MAST1: variants seen among roughly 807,000 people sequenced by gnomAD.
The protein encoded by MAST1 is microtubule associated serine/threonine kinase 1, also known as microtubule-associated serine/threonine-protein kinase 1.
A neutral mutation model predicts 124.6 loss-of-function variants in MAST1; 40 were observed. The ratio of observed to expected loss-of-function variants is 0.32; its 90% confidence interval spans 0.25 to 0.42. MAST1 has a LOEUF of 0.42. Ranked by LOEUF, MAST1 falls within the 10% of genes least tolerant of loss-of-function variation. MAST1 has a pLI of 1.00. For missense variants in MAST1, 1,558 were observed against 2,181.9 expected, an observed-to-expected ratio of 0.71 and a Z score of 5.70; for synonymous variants, 938 against 939.4, an observed-to-expected ratio of 1.00 and a Z score of 0.03.
intron 10 of MAST1, among the ~76,000 whole-genome samples, chr19:12,855,891 G>A (rs1970010848): frequency 6.6e-6 from 1 of 151,090 alleles, no homozygotes; most frequent in East Asian, 1.9e-4. Context: ...TAGTTTCTGA[G>A]AGAAATGTGA....
chr19:12,840,419 G>C (rs1453196518), intron 1 of MAST1, 27 bp from the exon 2 acceptor site: 3 of 1,533,196 alleles, frequency 2.0e-6, no homozygotes, highest in Admixed American at 1.7e-5. Flanking sequence ...GGCCCGGCCC[G>C]GCCCCCCTGC....
chr19:12,845,546 T>C (rs572288525), intron 4 of MAST1, among the ~76,000 whole-genome samples: 175 of 150,996 alleles, frequency 1.2e-3, no homozygotes, highest in Non-Finnish European at 1.9e-3. Flanking sequence ...GTCGAGCCAC[T>C]GCACTCCAGC....
In MAST1 at chr19:12,873,488, C is replaced by A; in HGVS notation, c.3428C>A (p.Ser1143Tyr). Residue 1143 changes from serine to tyrosine, a missense_variant, in exon 25 of 26, where the codon TCC becomes TAC. Coordinates refer to ENST00000251472, the MANE Select transcript of MAST1 (RefSeq NM_014975.3). The part of the protein sequence containing the change: ...PARSPTHSYR[S>Y]TPDSAYLGAS... ...CGCTCGCCCACGCACAGCTACCGCT[C>A]CACGCCTGACTCCGCCTACCTAGGT... 6.2e-7 allele frequency: 1 copy of A among 1,606,354 alleles called. No individual in the cohort carries two copies. The highest frequency in any genetic ancestry group is 1.1e-5 in the South Asian group (1 of 90,986).
In MAST1 at chr19:12,874,585, C is replaced by G; in HGVS notation, c.4428C>G (p.Gly1476=). Residue 1476 remains glycine, a synonymous_variant, in exon 26 of 26, where the codon GGC becomes GGG. Transcript: ENST00000251472. This position sits in a 1 kb window ranked among gnomAD's most constrained non-coding sequence, Gnocchi z 6.6. ...CTTCCGTGCCCGAGGCCCCCCGGGG[C>G]CGGGAGCGCTGGGTGTTGGAGGTGG... ...LAPSVPEAPR[G]RERWVLEVVE... 6.6e-7 allele frequency: 1 copy of G among 1,507,630 alleles called. No individual in the cohort carries two copies. The highest frequency in any genetic ancestry group is 1.4e-5 in the African/African-American group (1 of 71,744). The allele number at this position is 1,507,630 out of a possible 1,614,324, so 93.4% of individuals were successfully genotyped here.
chr19:12,846,858 G>A (rs1222548815), intron 4 of MAST1, among the ~76,000 whole-genome samples: 1 of 75,662 alleles, frequency 1.3e-5, no homozygotes, highest in African/African-American at 5.9e-5. Flanking sequence ...CAACAAGAAC[G>A]AAACTCCATC....
At chr19:12,840,621 A>T in intron 2 of MAST1, 87 bp downstream of exon 2, 1 of 990,862 alleles carries the variant, frequency 1.0e-6, no homozygotes, top group East Asian at 2.6e-5. Flanking sequence ...ATGCTACAGA[A>T]GGGGCGCAGT....
intron 12 of MAST1, 79 bp from the exon 13 acceptor site, chr19:12,864,730 A>G (rs1160932034): frequency 2.5e-6 from 4 of 1,570,236 alleles, no homozygotes; most frequent in Non-Finnish European, 3.5e-6. Flanking sequence ...ACAACATAAC[A>G]TGAGAAGTTG....
intron 4 of MAST1, among the ~76,000 whole-genome samples, chr19:12,846,788 G>A (rs554480948): frequency 7.1e-6 from 1 of 140,482 alleles, no homozygotes; most frequent in South Asian, 2.3e-4. Context: ...TGAGTCAGGA[G>A]AATCGCTTGA....
In MAST1 at chr19:12,866,243, GC is replaced by G. The variant is rs1327841105; in HGVS notation, c.2029+142del. ...GTGCGAAGGTGGTATTTTGGTGGGGGCGGGGCCAAGTGGGGCGGGGCTGACA... is the reference window on the plus strand; with the variant it reads ...GTGCGAAGGTGGTATTTTGGTGGGGGGGGGCCAAGTGGGGCGGGGCTGACA... On this transcript the variant is annotated intron_variant, in intron 17 of 25. Coordinates refer to ENST00000251472, the MANE Select transcript of MAST1 (RefSeq NM_014975.3). The surrounding 1 kb of genome is among the most constrained non-coding windows in gnomAD (Gnocchi z 5.2). The G allele has an allele frequency of 8.3e-7, 1 of 1,202,262 alleles. No homozygotes were observed. Among genetic ancestry groups the G allele is most frequent in the South Asian group, 1.5e-5 (1 of 65,502 alleles). The allele number at this position is 1,202,262 out of a possible 1,614,324, so 74.5% of individuals were successfully genotyped here. A position where few individuals can be genotyped will look rare whatever the true frequency, so the allele number is the denominator to read the frequency against.
intron 4 of MAST1, among the ~76,000 whole-genome samples, chr19:12,845,502 C>T (rs542752223): frequency 1.1e-4 from 16 of 146,250 alleles, no homozygotes; most frequent in South Asian, 4.4e-4. Flanking sequence ...AAAGATTGCT[C>T]GAGCCCAGGA....
intron 9 of MAST1, 38 bp downstream of exon 9, chr19:12,852,285 A>C (rs764415625): frequency 6.2e-7 from 1 of 1,614,074 alleles, no homozygotes; most frequent in South Asian, 1.1e-5. Flanking sequence ...GGGGGTGAGC[A>C]GGCCCAGAAC....
chr19:12,854,088 TTCTC>T (rs1431356982), intron 10 of MAST1, among the ~76,000 whole-genome samples: 1 of 150,908 alleles, frequency 6.6e-6, no homozygotes, highest in Non-Finnish European at 1.5e-5. Flanking sequence ...CTAATCTATT[TTCTC>T]TCTCTGTGGA....
At chr19:12,868,870 G>A in intron 21 of MAST1, 21 bp downstream of exon 21, 1 of 1,560,462 alleles carries the variant, frequency 6.4e-7, no homozygotes, top group Non-Finnish European at 8.7e-7. Flanking sequence ...GCCCCACCTG[G>A]CAGGGGAGGG....
chr19:12,871,133 G>A lies in MAST1; in HGVS notation c.3224G>A (p.Arg1075Gln), dbSNP rs768167266. 5 of 1,614,152 alleles carry A rather than the reference G, an allele frequency of 3.1e-6. No individual in the cohort carries two copies. Among genetic ancestry groups the A allele is most frequent in the Non-Finnish European group, 3.4e-6 (4 of 1,180,036 alleles). The change falls in exon 24 of 26, where the codon CGG becomes CAG. Residue 1075 changes from arginine (R) to glutamine (Q), a missense_variant. By Grantham distance (43) the Arg-to-Gln change is conservative. Coordinates refer to ENST00000251472, the MANE Select transcript of MAST1 (RefSeq NM_014975.3). ...RRSSYKAKMARRNKRPSAKEG... is the reference protein window; with the variant it reads ...RRSSYKAKMAQRNKRPSAKEG... ...AGCAGCTACAAGGCTAAAATGGCTC[G>A]GAGGAACAAGCGACCCTCCGCCAAG...
In MAST1 at chr19:12,866,245, G is replaced by A. The variant is rs1568413613; in HGVS notation, c.2029+143G>A. ...GCGAAGGTGGTATTTTGGTGGGGGC[G>A]GGGCCAAGTGGGGCGGGGCTGACAT... On this transcript the variant is annotated intron_variant, in intron 17 of 25. Coordinates refer to ENST00000251472, the MANE Select transcript of MAST1 (RefSeq NM_014975.3). This position sits in a 1 kb window ranked among gnomAD's most constrained non-coding sequence, Gnocchi z 5.2. The A allele has an allele frequency of 9.1e-7, 1 of 1,095,616 alleles. No homozygotes were observed. Among genetic ancestry groups the A allele is most frequent in the East Asian group, 2.6e-5 (1 of 38,518 alleles). The allele number at this position is 1,095,616 out of a possible 1,614,324, so 67.9% of individuals were successfully genotyped here.
chr19:12,874,663 G>T lies in MAST1; in HGVS notation c.4506G>T (p.Lys1502Asn). 1 of 1,537,018 alleles carries T rather than the reference G, an allele frequency of 6.5e-7. No individual in the cohort carries two copies. The highest frequency in any genetic ancestry group is 1.3e-5 in the South Asian group (1 of 79,618). The change falls in exon 26 of 26, where the codon AAG (lysine) becomes AAT (asparagine). Residue 1502 changes from lysine (K) to asparagine (N), a missense_variant. Transcript: ENST00000251472. The surrounding 1 kb of genome is among the most constrained non-coding windows in gnomAD (Gnocchi z 6.6). ...CTCGCTCCAAGCCCGCCTCCCCAAAGCTCTCCCCGGAGCCCCAGACACCCT... is the reference window on the plus strand; with the variant it reads ...CTCGCTCCAAGCCCGCCTCCCCAAATCTCTCCCCGGAGCCCCAGACACCCT... ...SGPRSKPASP[K>N]LSPEPQTPSL...
intron 10 of MAST1, among the ~76,000 whole-genome samples, chr19:12,855,223 G>A (rs759955603): frequency 1.2e-4 from 18 of 152,002 alleles, no homozygotes; most frequent in Non-Finnish European, 2.4e-4. Flanking sequence ...GAGAGAGTGA[G>A]ACTCCATCTT....
intron 12 of MAST1, among the ~76,000 whole-genome samples, chr19:12,862,406 C>T (rs1210196557): frequency 6.6e-6 from 1 of 152,190 alleles, no homozygotes. Context: ...ATCCTCCCAC[C>T]TCAGCCTCCA....
intron 10 of MAST1, among the ~76,000 whole-genome samples, chr19:12,854,796 T>C (rs1312111818): frequency 6.6e-6 from 1 of 152,194 alleles, no homozygotes; most frequent in Non-Finnish European, 1.5e-5. Context: ...ACTGGCTGTA[T>C]GTGTTAATGG....
Sources: gnomAD v4.1 joint callset for allele counts (sites outside exome capture counted in the v4.1 genomes callset) on GRCh38, gnomAD v4.1.1 for gene constraint, Gnocchi (gnomAD v3.1) non-coding constraint, MANE v1.5 for transcripts, NCBI Gene and HGNC (gene_info 2026-07-23, HGNC 2026-07-21) for gene names.